Variants in BPIFC observed in about 807,000 individuals in gnomAD.
BPIFC encodes BPI fold-containing family C protein.
Under a neutral mutation model 57.6 loss-of-function variants are expected in BPIFC, and 60 were observed. The ratio of observed to expected loss-of-function variants is 1.04; its 90% CI spans 0.85 to 1.29. The LOEUF is 1.29. Among genes scored for constraint, BPIFC ranks in the 50% most tolerant of loss-of-function variants. The probability of loss-of-function intolerance (pLI) is 0.00; values close to 1 mark genes in which losing one functional copy is unlikely to be tolerated. For missense variants in BPIFC, 581 were observed against 600.5 expected, an observed-to-expected ratio of 0.97 and a Z score of 0.34; for synonymous variants, 243 against 224.5, an observed-to-expected ratio of 1.08 and a Z score of -0.74.
Position 32,445,972 on chromosome 22 carries a change from C to T in BPIFC, c.399G>A (p.Leu133=), listed in dbSNP as rs1163110732. ...CGGTAAAGTAGACTCCGGAGAGAAA[C>T]AGATCAGCCCCTCCTGTGTCTTGGC... ...PLFQDTGGAD[L]FLSGVYFTGI... is the part of the protein sequence containing the mutation. The change falls in exon 6 of 17, where the codon CTG becomes CTA. Residue 133 remains leucine, a synonymous_variant. Transcript: ENST00000300399. 6.2e-7 allele frequency: 1 copy of T among 1,614,116 alleles called. No homozygotes were observed. Among genetic ancestry groups the T allele is most frequent in the East Asian group, 2.2e-5 (1 of 44,868 alleles).
At chr22:32,423,397 A>C (rs1318733571) in intron 13 of BPIFC, among the ~76,000 whole-genome samples, 1 of 152,094 alleles carries the variant, frequency 6.6e-6, no homozygotes, top group Non-Finnish European at 1.5e-5. Context: ...GTTCAGAGGA[A>C]GGGTGGAGTT....
At chr22:32,461,243 G>C (rs1456508379) in intron 2 of BPIFC, among the ~76,000 whole-genome samples, 3 of 152,282 alleles carry the variant, frequency 2.0e-5, no homozygotes, top group Admixed American at 2.0e-4. Flanking sequence ...TATGAATCCA[G>C]CATGATATTT....
intron 7 of BPIFC, among the ~76,000 whole-genome samples, chr22:32,443,232 C>T (rs1038695232): frequency 6.6e-6 from 1 of 150,428 alleles, no homozygotes; most frequent in Non-Finnish European, 1.5e-5. Context: ...GGCGCGATCT[C>T]GGCTCACTGC....
intron 13 of BPIFC, 128 bp from the exon 14 acceptor site, chr22:32,419,532 G>A: frequency 1.1e-6 from 1 of 911,466 alleles, no homozygotes; most frequent in Non-Finnish European, 1.7e-6. Flanking sequence ...GGCTGGGCAT[G>A]GTGGCCCACG....
intron 8 of BPIFC, among the ~76,000 whole-genome samples, chr22:32,442,452 C>T (rs929958786): frequency 3.9e-5 from 6 of 152,244 alleles, no homozygotes; most frequent in Admixed American, 2.6e-4. Context: ...CCCCCTGGAG[C>T]CACCCCTCTT....
At position 32,435,760 on chromosome 22, in the gene BPIFC, C is replaced by T; in HGVS notation, c.868G>A (p.Ala290Thr). ...IGIAEYFFKSASFAHFTAGVF... is the reference protein window; with the variant it reads ...IGIAEYFFKSTSFAHFTAGVF... The stretch of plus-strand genomic sequence containing the variant: ...CCAGCTGTGAAATGAGCAAAGGACG[C>T]AGATTTAAAGAAATACTCGGCGATT... Residue 290 changes from alanine (A) to threonine (T), a missense_variant, in exon 10 of 17, where the codon GCG (alanine) becomes ACG (threonine). Ala to Thr is a moderately conservative substitution (Grantham distance 58). Transcript: ENST00000300399. 1 of 1,614,116 alleles carries T rather than the reference C, an allele frequency of 6.2e-7. No homozygotes were observed. The highest frequency in any genetic ancestry group is 1.3e-5 in the African/African-American group (1 of 75,016).
At chr22:32,457,585 CCATCCAT>C (rs1490989695) in intron 2 of BPIFC, among the ~76,000 whole-genome samples, 199 bp from the exon 3 acceptor site, 21 of 151,940 alleles carry the variant, frequency 1.4e-4, no homozygotes, top group African/African-American at 4.3e-4. Context: ...ATCCATCCAT[CCATCCAT>C]CCATCCATGC....
intron 5 of BPIFC, chr22:32,446,827 G>C (rs1354647424): frequency 1.0e-6 from 1 of 984,490 alleles, no homozygotes; most frequent in Non-Finnish European, 1.2e-6. Context: ...CTGTGTGAGG[G>C]AGAAAGACTC....
rs58029060 is a variant in BPIFC at position 32,455,051 on chromosome 22, AT to A, written c.125-1549del. Among the ~76,000 whole-genome samples, 882 of 130,686 alleles carry A rather than the reference AT, an allele frequency of 6.7e-3. 6 individuals carry two copies. Among genetic ancestry groups the A allele is most frequent in the Admixed American group, 0.029 (351 of 12,276 alleles). The allele number at this position is 130,686 out of a possible 152,430, so 85.7% of individuals were successfully genotyped here. On this transcript the variant is annotated intron_variant, in intron 3 of 16. Coordinates refer to ENST00000300399, the MANE Select transcript of BPIFC (RefSeq NM_174932.3). ...TACTATAATTTTCATTTTCATCTCCATTTTTTTTTTTTTTTTTTGAGACAGA... is the reference window on the plus strand; with the variant it reads ...TACTATAATTTTCATTTTCATCTCCATTTTTTTTTTTTTTTTTGAGACAGA...
intron 14 of BPIFC, among the ~76,000 whole-genome samples, chr22:32,418,364 A>G (rs1376215919): frequency 6.6e-6 from 1 of 152,164 alleles, no homozygotes; most frequent in Non-Finnish European, 1.5e-5. Flanking sequence ...CACACTCTGG[A>G]ACAGGGTTTC....
intron 7 of BPIFC, 74 bp from the exon 8 acceptor site, chr22:32,442,805 C>G (rs1390933217): frequency 7.1e-7 from 1 of 1,416,090 alleles, no homozygotes; most frequent in Non-Finnish European, 9.8e-7. Context: ...TGGGCCTAGA[C>G]CCTGCAAACA....
At position 32,426,661 on chromosome 22, in the gene BPIFC, G is replaced by T. The variant is rs576630889; in HGVS notation, c.1217+4686C>A. Among the ~76,000 whole-genome samples the T allele has an allele frequency of 1.0e-3, 154 of 152,284 alleles. 1 individual carries two copies. Among genetic ancestry groups the T allele is most frequent in the African/African-American group, 3.2e-3 (133 of 41,552 alleles). On this transcript the variant is annotated intron_variant, in intron 13 of 16. Coordinates refer to ENST00000300399, the MANE Select transcript of BPIFC (RefSeq NM_174932.3). ...AATCCCAGCACTTTGGGAGGCCGAGGCGGGTGGATCACCTGAGGTCAGGAG... is the reference window on the plus strand; with the variant it reads ...AATCCCAGCACTTTGGGAGGCCGAGTCGGGTGGATCACCTGAGGTCAGGAG...
At chr22:32,450,373 C>T (rs954157806) in intron 4 of BPIFC, among the ~76,000 whole-genome samples, 5 of 151,946 alleles carry the variant, frequency 3.3e-5, no homozygotes, top group African/African-American at 9.7e-5. Context: ...GTAAATACAC[C>T]GTATAATGTT....
intron 8 of BPIFC, 55 bp downstream of exon 8, chr22:32,442,616 C>T (rs1301776956): frequency 6.5e-7 from 1 of 1,549,736 alleles, no homozygotes; most frequent in African/African-American, 1.4e-5. Context: ...CCAGGCAGTA[C>T]CAGCTTTTGA....
chr22:32,435,358 A>G (rs913610002), intron 10 of BPIFC, among the ~76,000 whole-genome samples: 1 of 152,204 alleles, frequency 6.6e-6, no homozygotes, highest in Non-Finnish European at 1.5e-5. Context: ...AAATCCAACT[A>G]TTAAATGCTG....
At chr22:32,463,180 T>C (rs1935199484) in intron 1 of BPIFC, among the ~76,000 whole-genome samples, 1 of 152,160 alleles carries the variant, frequency 6.6e-6, no homozygotes, top group Non-Finnish European at 1.5e-5. Context: ...TACATAACTT[T>C]TCATTGAATT....
chr22:32,417,254 C>A, intron 14 of BPIFC, 106 bp from the exon 15 acceptor site: 1 of 769,036 alleles, frequency 1.3e-6, no homozygotes, highest in South Asian at 1.6e-5. Context: ...TGGCTCTCTC[C>A]AGCCTCGAAC....
In BPIFC at chr22:32,461,687, A is replaced by G. The variant is rs114559309; in HGVS notation, c.-88-26T>C. The G allele has an allele frequency of 6.1e-4, 596 of 976,520 alleles. 2 individuals carry two copies. The African/African-American group carries it at 9.7e-3, about 16-fold the overall frequency. The allele number at this position is 976,520 out of a possible 1,614,324, so 60.5% of individuals were successfully genotyped here. ...CTGGAAAGGGGGATAAGTAGAGATG[A>G]ACTATGGGAGTGAGGAGAACACTTC... is the stretch of plus-strand genomic sequence containing the variant. On this transcript the variant is annotated intron_variant, in intron 1 of 16. Transcript: ENST00000300399.
intron 13 of BPIFC, among the ~76,000 whole-genome samples, chr22:32,429,535 T>C: frequency 7.5e-6 from 1 of 133,576 alleles, no homozygotes; most frequent in African/African-American, 2.9e-5. Context: ...TTTTTTTTTT[T>C]TCATGAAGTC....
Sources: allele counts gnomAD v4.1 joint callset (sites outside exome capture counted in the v4.1 genomes callset), GRCh38; gene constraint gnomAD v4.1.1; transcripts MANE v1.5; gene names NCBI Gene and HGNC (gene_info 2026-07-23, HGNC 2026-07-21).